The following GPR158 variants were observed in gnomAD, a reference collection of about 807,000 sequenced individuals.
GPR158 encodes G protein-coupled receptor 158, also known as metabotropic glycine receptor.
A neutral mutation model predicts 78.2 loss-of-function variants in GPR158; 30 were observed. The observed-to-expected ratio is 0.38, with a 90% CI of 0.29 to 0.52. The LOEUF (loss-of-function observed/expected upper bound fraction) is 0.52, where lower values mean the gene tolerates loss of function less well. Among genes scored for constraint, GPR158 ranks in the 20% least tolerant of loss-of-function variants. GPR158 has a pLI of 0.83. For missense variants in GPR158, 1,463 were observed against 1,523.5 expected, an observed-to-expected ratio of 0.96 and a Z score of 0.66; for synonymous variants, 581 against 591.1, an observed-to-expected ratio of 0.98 and a Z score of 0.25.
At chr10:25,537,872 TC>T (rs1206133974) in intron 5 of GPR158, among the ~76,000 whole-genome samples, 1 of 152,094 alleles carries the variant, frequency 6.6e-6, no homozygotes, top group Non-Finnish European at 1.5e-5. Flanking sequence ...CCCTTCACCT[TC>T]TATGGTGATT....
chr10:25,360,181 A>C (rs1232350823), intron 2 of GPR158, among the ~76,000 whole-genome samples: 1 of 152,012 alleles, frequency 6.6e-6, no homozygotes, highest in Non-Finnish European at 1.5e-5. Flanking sequence ...AGATTGTAAA[A>C]ATTTTCTCCC....
At chr10:25,484,843 TATTCATTTCTAGAGCCTGATTAG>T (rs1413998253) in intron 5 of GPR158, among the ~76,000 whole-genome samples, 14 of 152,280 alleles carry the variant, frequency 9.2e-5, no homozygotes, top group Middle Eastern at 3.4e-3. Flanking sequence ...CATAAGTAAT[TATTCATTTCTAGAGCCTGATTAG>T]CAATTTTTCA....
intron 8 of GPR158, among the ~76,000 whole-genome samples, chr10:25,589,945 G>T (rs947975830): frequency 3.3e-5 from 5 of 152,194 alleles, no homozygotes; most frequent in Non-Finnish European, 5.9e-5. Flanking sequence ...TGGAAAGTTA[G>T]GACACACTTA....
intron 2 of GPR158, among the ~76,000 whole-genome samples, chr10:25,337,043 C>T (rs931950580): frequency 2.0e-5 from 3 of 152,058 alleles, no homozygotes; most frequent in Admixed American, 2.0e-4. Flanking sequence ...TCTGTAGATA[C>T]TTAACATTTT....
At chr10:25,478,493 C>CTTGTGTGTGTGT (rs1051229392) in intron 5 of GPR158, among the ~76,000 whole-genome samples, 27 of 145,092 alleles carry the variant, frequency 1.9e-4, no homozygotes, top group African/African-American at 5.5e-4. Flanking sequence ...ATATATAATG[C>CTTGTGTGTGTGT]GTGTGTGTGT....
In GPR158 at chr10:25,408,144, G is replaced by A. The variant is rs550376524; in HGVS notation, c.1112-4106G>A. Among the ~76,000 whole-genome samples the A allele has an allele frequency of 7.9e-5, 12 of 152,274 alleles. No individual in the cohort carries two copies. In the South Asian group the frequency reaches 1.2e-3, roughly 16 times the overall value. On this transcript the variant is annotated intron_variant, in intron 3 of 10. Transcript: ENST00000376351. ...TTAAATGTTGCCAATGTCTTCCTAAGCCAGTGAAAAAAGGTCAGCCTATTT... is the reference window on the plus strand; with the variant it reads ...TTAAATGTTGCCAATGTCTTCCTAAACCAGTGAAAAAAGGTCAGCCTATTT...
intron 3 of GPR158, among the ~76,000 whole-genome samples, chr10:25,407,386 A>T (rs1834528643): frequency 6.6e-6 from 1 of 152,094 alleles, no homozygotes; most frequent in African/African-American, 2.4e-5. Flanking sequence ...TGCTATTTTT[A>T]TTCATTCTTT....
intron 4 of GPR158, among the ~76,000 whole-genome samples, chr10:25,426,432 G>A (rs537866719): frequency 6.6e-6 from 1 of 152,200 alleles, no homozygotes; most frequent in African/African-American, 2.4e-5. Flanking sequence ...GCCTCCCTAA[G>A]TGTAATCATT....
At chr10:25,260,017 C>T (rs1853946208) in intron 2 of GPR158, among the ~76,000 whole-genome samples, 2 of 151,812 alleles carry the variant, frequency 1.3e-5, no homozygotes, top group Middle Eastern at 6.3e-3. Context: ...ATTTCCACTG[C>T]TATTATTTAA....
chr10:25,464,971 C>T (rs960929747), intron 4 of GPR158, among the ~76,000 whole-genome samples: 9 of 152,278 alleles, frequency 5.9e-5, no homozygotes, highest in Admixed American at 4.6e-4. Flanking sequence ...CTCAAATAAT[C>T]AAGGCTGTTC....
chr10:25,506,009 T>C (rs1359691504), intron 5 of GPR158, among the ~76,000 whole-genome samples: 1 of 152,252 alleles, frequency 6.6e-6, no homozygotes, highest in Non-Finnish European at 1.5e-5. Flanking sequence ...CTTAGCTTTC[T>C]TTGTGGTCCA....
At chr10:25,441,974 A>C (rs1835074329) in intron 4 of GPR158, among the ~76,000 whole-genome samples, 1 of 152,204 alleles carries the variant, frequency 6.6e-6, no homozygotes, top group Non-Finnish European at 1.5e-5. Flanking sequence ...GAAACTATTC[A>C]GGATTCTCCC....
At chr10:25,396,102 A>G in intron 3 of GPR158, 89 bp downstream of exon 3, 1 of 591,322 alleles carries the variant, frequency 1.7e-6, no homozygotes, top group Non-Finnish European at 3.0e-6. Flanking sequence ...TGTTGGAGTT[A>G]TATGGTTGAA....
chr10:25,594,816 G>A (rs1170382367), intron 9 of GPR158, among the ~76,000 whole-genome samples: 1 of 151,964 alleles, frequency 6.6e-6, no homozygotes, highest in Non-Finnish European at 1.5e-5. Context: ...ACATATAGAG[G>A]AATCTCCATA....
intron 1 of GPR158, among the ~76,000 whole-genome samples, chr10:25,190,197 T>A (rs1852754171): frequency 6.6e-6 from 1 of 152,162 alleles, no homozygotes; most frequent in Non-Finnish European, 1.5e-5. Context: ...TATTAGTACC[T>A]TACAATGTAT....
At chr10:25,511,656 T>C (rs1022517957) in intron 5 of GPR158, among the ~76,000 whole-genome samples, 1 of 152,150 alleles carries the variant, frequency 6.6e-6, no homozygotes, top group Non-Finnish European at 1.5e-5. Context: ...TATTCTAGAA[T>C]TTTTATGGTT....
intron 5 of GPR158, among the ~76,000 whole-genome samples, chr10:25,541,327 C>T (rs1836581128): frequency 6.6e-6 from 1 of 151,920 alleles, no homozygotes; most frequent in African/African-American, 2.4e-5. Flanking sequence ...AGCACTGTAC[C>T]AATTCTGTGT....
At chr10:25,551,723 C>T (rs913684361) in intron 6 of GPR158, among the ~76,000 whole-genome samples, 2 of 152,062 alleles carry the variant, frequency 1.3e-5, no homozygotes, top group Admixed American at 6.6e-5. Flanking sequence ...GAAATTATTC[C>T]GGGGCGCTCT....
At chr10:25,236,716 A>G (rs1423122770) in intron 2 of GPR158, among the ~76,000 whole-genome samples, 1 of 151,734 alleles carries the variant, frequency 6.6e-6, no homozygotes, top group East Asian at 1.9e-4. Context: ...GTGAGCCTTT[A>G]GCAGCCTATT....
Sources: allele counts gnomAD v4.1 joint callset (sites outside exome capture counted in the v4.1 genomes callset), GRCh38; gene constraint gnomAD v4.1.1; transcripts MANE v1.5; gene names NCBI Gene and HGNC (gene_info 2026-07-23, HGNC 2026-07-21).